The following PCDH15 variants were observed in gnomAD, a reference collection of about 807,000 sequenced individuals.
PCDH15 encodes the protein protocadherin-15.
PCDH15 carries 129 observed loss-of-function variants against 178.5 expected under a neutral mutation model. The observed-to-expected ratio is 0.72, with a 90% CI of 0.63 to 0.84. The LOEUF is 0.84. PCDH15 is among the 40% of genes least tolerant of loss of function. The pLI is 0.00. For missense variants in PCDH15, 2,230 were observed against 2,099.9 expected, an observed-to-expected ratio of 1.06 and a Z score of -1.21; for synonymous variants, 800 against 732.0, an observed-to-expected ratio of 1.09 and a Z score of -1.50.
upstream of PCDH15, among the ~76,000 whole-genome samples, chr10:55,324,562 C>A (rs1276107435): frequency 6.6e-6 from 1 of 152,056 alleles, no homozygotes; most frequent in Non-Finnish European, 1.5e-5. Flanking sequence ...AACACAGGTG[C>A]ACCCAGATTT....
chr10:55,367,750 C>G (rs139549964), intron 2 of PCDH15, among the ~76,000 whole-genome samples: 1 of 152,102 alleles, frequency 6.6e-6, no homozygotes, highest in Non-Finnish European at 1.5e-5. Flanking sequence ...TGGGCTGGAT[C>G]CAGCAGGAAG....
intron 26 of PCDH15, among the ~76,000 whole-genome samples, chr10:53,895,449 CAAAA>C (rs1350425893): frequency 6.6e-6 from 1 of 152,054 alleles, no homozygotes; most frequent in African/African-American, 2.4e-5. Flanking sequence ...TTTAATAATT[CAAAA>C]ATAGAATATT....
intron 2 of PCDH15, among the ~76,000 whole-genome samples, chr10:55,497,053 T>C (rs1026764210): frequency 6.6e-6 from 1 of 151,786 alleles, no homozygotes; most frequent in African/African-American, 2.4e-5. Context: ...AATGACAGGC[T>C]AGAACAAATG....
chr10:54,101,970 G>T (rs1401373855), intron 15 of PCDH15, among the ~76,000 whole-genome samples: 1 of 151,920 alleles, frequency 6.6e-6, no homozygotes, highest in Non-Finnish European at 1.5e-5. Flanking sequence ...GTGAGACCTT[G>T]TCTCAAAATA....
intron 21 of PCDH15, among the ~76,000 whole-genome samples, chr10:53,982,371 G>A (rs1238609226): frequency 2.6e-5 from 4 of 151,968 alleles, no homozygotes; most frequent in Non-Finnish European, 5.9e-5. Flanking sequence ...ACATGCACAC[G>A]TATGTTTATT....
intron 2 of PCDH15, among the ~76,000 whole-genome samples, chr10:55,056,661 C>G (rs1380305909): frequency 1.1e-4 from 16 of 149,130 alleles, no homozygotes. Flanking sequence ...GAGACGGAGT[C>G]TTGCTGTCTT....
At chr10:54,858,696 GTAA>G (rs763566834) in intron 3 of PCDH15, among the ~76,000 whole-genome samples, 71 of 151,738 alleles carry the variant, frequency 4.7e-4, no homozygotes, top group Non-Finnish European at 9.1e-4. Context: ...CTATATTTAA[GTAA>G]TAATAATTTT....
upstream of PCDH15, among the ~76,000 whole-genome samples, chr10:54,805,378 A>G (rs1426513757): frequency 6.6e-6 from 1 of 152,132 alleles, no homozygotes; most frequent in African/African-American, 2.4e-5. Flanking sequence ...GTCATTCTAG[A>G]CGACTTATTG....
chr10:54,396,890 C>T (rs1040797986), intron 3 of PCDH15, among the ~76,000 whole-genome samples: 5 of 151,654 alleles, frequency 3.3e-5, no homozygotes, highest in East Asian at 1.9e-4. Flanking sequence ...CCAAATATTC[C>T]GACAGTGGAA....
chr10:53,928,446 A>G (rs1188777574), intron 25 of PCDH15, among the ~76,000 whole-genome samples: 1 of 152,080 alleles, frequency 6.6e-6, no homozygotes, highest in Non-Finnish European at 1.5e-5. Context: ...CCTTGATTAT[A>G]TTACAACAGA....
At chr10:53,811,666 C>T (rs747286984) in intron 35 of PCDH15, 47 bp from the exon 36 acceptor site, 20 of 1,238,542 alleles carry the variant, frequency 1.6e-5, no homozygotes, top group Admixed American at 9.3e-5. Flanking sequence ...ATTCTTATCA[C>T]GTTTCAGGTC....
chr10:54,049,202 AT>A (rs567520879), intron 18 of PCDH15, among the ~76,000 whole-genome samples: 1 of 151,978 alleles, frequency 6.6e-6, no homozygotes, highest in Middle Eastern at 3.4e-3. Flanking sequence ...AATGCCACTG[AT>A]TTTTTTTACC....
At chr10:55,401,916 T>C (rs1361008545) in intron 2 of PCDH15, among the ~76,000 whole-genome samples, 1 of 152,024 alleles carries the variant, frequency 6.6e-6, no homozygotes, top group Non-Finnish European at 1.5e-5. Context: ...GAATGGATGC[T>C]ACCCTGAAAA....
At chr10:55,381,325 C>T (rs1333676821) in intron 2 of PCDH15, among the ~76,000 whole-genome samples, 1 of 152,144 alleles carries the variant, frequency 6.6e-6, no homozygotes, top group East Asian at 1.9e-4. Flanking sequence ...ACATAGCAGA[C>T]AACTTGAAAC....
chr10:54,121,903 T>C (rs962151149), intron 15 of PCDH15, among the ~76,000 whole-genome samples: 1 of 151,886 alleles, frequency 6.6e-6, no homozygotes, highest in Non-Finnish European at 1.5e-5. Flanking sequence ...GAGCTGATAG[T>C]AATTCTATTA....
chr10:53,868,125 GTAGA>G (rs1235977997), intron 26 of PCDH15, among the ~76,000 whole-genome samples: 1 of 151,966 alleles, frequency 6.6e-6, no homozygotes, highest in African/African-American at 2.4e-5. Flanking sequence ...AAAATAAATG[GTAGA>G]TAGGAGAGTT....
At chr10:54,216,657 G>A (rs1375089446) in intron 9 of PCDH15, among the ~76,000 whole-genome samples, 1 of 152,154 alleles carries the variant, frequency 6.6e-6, no homozygotes, top group Non-Finnish European at 1.5e-5. Context: ...CTCTGTTGGC[G>A]AGCCTGCAGG....
At chr10:54,750,076 A>C (rs1444318697) in intron 1 of PCDH15, among the ~76,000 whole-genome samples, 2 of 152,058 alleles carry the variant, frequency 1.3e-5, no homozygotes, top group African/African-American at 2.4e-5. Flanking sequence ...ACCTAGGTAC[A>C]TGAAGCGCCC....
intron 2 of PCDH15, among the ~76,000 whole-genome samples, chr10:55,434,084 T>TTTC (rs1838966136): frequency 7.6e-6 from 1 of 131,800 alleles, no homozygotes; most frequent in Non-Finnish European, 1.6e-5. Flanking sequence ...TTTCTTTTTT[T>TTTC]TTTTTTTTTT....
Sources: gnomAD v4.1 joint callset for allele counts (sites outside exome capture counted in the v4.1 genomes callset) on GRCh38, gnomAD v4.1.1 for gene constraint, MANE v1.5 for transcripts, NCBI Gene and HGNC (gene_info 2026-07-23, HGNC 2026-07-21) for gene names.